The following ERC1 variants were observed in gnomAD, a reference collection of about 807,000 sequenced individuals.
ERC1 encodes the protein RAB6 interacting protein 2.
Under a neutral mutation model 132.0 loss-of-function variants are expected in ERC1, and 56 were observed. That is an observed-to-expected ratio of 0.42 (90% confidence interval 0.34 to 0.53). ERC1 has a LOEUF of 0.53. Ranked by LOEUF, ERC1 falls within the 20% of genes least tolerant of loss-of-function variation. ERC1 has a pLI of 0.03. For missense variants in ERC1, 1,202 were observed against 1,349.9 expected, an observed-to-expected ratio of 0.89 and a Z score of 1.72; for synonymous variants, 478 against 476.1, an observed-to-expected ratio of 1.00 and a Z score of -0.05.
At chr12:1,060,282 C>T (rs898124314) in intron 2 of ERC1, among the ~76,000 whole-genome samples, 3 of 151,630 alleles carry the variant, frequency 2.0e-5, no homozygotes, top group Non-Finnish European at 4.4e-5. Context: ...CCCATTAACT[C>T]GTCATTTAGC....
chr12:1,436,849 A>G (rs1468593522), intron 17 of ERC1, among the ~76,000 whole-genome samples: 2 of 152,054 alleles, frequency 1.3e-5, no homozygotes, highest in Non-Finnish European at 2.9e-5. Context: ...CTCAAAAAGT[A>G]TGACTGTCTC....
At chr12:1,114,483 T>TTA (rs75148674) in intron 6 of ERC1, among the ~76,000 whole-genome samples, 40,471 of 152,080 alleles carry the variant, frequency 0.27, 5,714 homozygotes, top group African/African-American at 0.36. Context: ...TGAATAATCT[T>TTA]AGTCATAGTT....
chr12:1,233,410 G>A (rs970068237), intron 12 of ERC1, among the ~76,000 whole-genome samples: 1 of 144,304 alleles, frequency 6.9e-6, no homozygotes, highest in African/African-American at 2.6e-5. Context: ...GGTGGAGGTT[G>A]CAGTCAGCCA....
intron 1 of ERC1, among the ~76,000 whole-genome samples, chr12:1,005,435 C>G (rs1238935167): frequency 2.0e-5 from 3 of 152,208 alleles, no homozygotes; most frequent in Non-Finnish European, 4.4e-5. Context: ...GACACCATAC[C>G]TGGCCCCTTT....
At position 1,162,066 on chromosome 12, in the gene ERC1, C is replaced by A. The variant is rs571546709; in HGVS notation, c.1738-18474C>A. On this transcript the variant is annotated intron_variant, in intron 8 of 18. Coordinates refer to ENST00000360905, the MANE Select transcript of ERC1 (RefSeq NM_178040.4). ...CTGTCTCTGGTTCTGTCTGGGCCAC[C>A]ACTGTCCACCCATAGTCTTCCTTGC... 1.3e-3 allele frequency among the ~76,000 whole-genome samples: 196 copies of A among 152,280 alleles called. 2 individuals are homozygous for A. Among genetic ancestry groups the A allele is most frequent in the Non-Finnish European group, 2.0e-3 (138 of 68,018 alleles).
chr12:1,481,207 G>GA, intron 18 of ERC1, among the ~76,000 whole-genome samples: 1 of 152,220 alleles, frequency 6.6e-6, no homozygotes, highest in East Asian at 1.9e-4. Flanking sequence ...CGTGGAAAGG[G>GA]AAACCATGGA....
At chr12:1,260,219 T>C (rs1488695405) in intron 13 of ERC1, among the ~76,000 whole-genome samples, 1 of 152,184 alleles carries the variant, frequency 6.6e-6, no homozygotes, top group Non-Finnish European at 1.5e-5. Flanking sequence ...TTGGTAATCA[T>C]TTGTTTTCCC....
chr12:1,136,704 G>A (rs1949279544), intron 7 of ERC1, among the ~76,000 whole-genome samples: 1 of 152,080 alleles, frequency 6.6e-6, no homozygotes. Flanking sequence ...CTTGTCTCTT[G>A]TCCTTCTTCT....
intron 15 of ERC1, among the ~76,000 whole-genome samples, chr12:1,352,907 G>A (rs1361191434): frequency 6.6e-6 from 1 of 151,964 alleles, no homozygotes. Flanking sequence ...GTTTGAGATG[G>A]CTTTTTGCTT....
chr12:1,157,566 T>C (rs561908585), intron 8 of ERC1, among the ~76,000 whole-genome samples: 1 of 152,296 alleles, frequency 6.6e-6, no homozygotes, highest in South Asian at 2.1e-4. Flanking sequence ...ATTATCAGAT[T>C]AGTAGATTGT....
intron 18 of ERC1, among the ~76,000 whole-genome samples, chr12:1,448,858 C>T (rs78952740): frequency 1.3e-5 from 2 of 152,286 alleles, no homozygotes; most frequent in Admixed American, 6.5e-5. Context: ...GTAGATCCAC[C>T]GCTGGTTTGC....
intron 2 of ERC1, among the ~76,000 whole-genome samples, chr12:1,051,506 A>G (rs115502606): frequency 6.6e-6 from 1 of 150,766 alleles, no homozygotes; most frequent in African/African-American, 2.5e-5. Context: ...CAAGGGCTAC[A>G]TAGCAAGGCC....
intron 15 of ERC1, among the ~76,000 whole-genome samples, chr12:1,355,374 C>G (rs1210125660): frequency 1.3e-5 from 2 of 152,012 alleles, no homozygotes; most frequent in African/African-American, 4.8e-5. Context: ...GCTCATGGGC[C>G]ATGGGCTGGC....
chr12:1,457,625 A>T (rs2093566068), intron 18 of ERC1, among the ~76,000 whole-genome samples: 1 of 152,164 alleles, frequency 6.6e-6, no homozygotes, highest in Admixed American at 6.5e-5. Context: ...CCATTTTTTT[A>T]TACATTAAGC....
At chr12:1,335,519 G>A (rs2083237491) in intron 15 of ERC1, among the ~76,000 whole-genome samples, 1 of 152,018 alleles carries the variant, frequency 6.6e-6, no homozygotes, top group African/African-American at 2.4e-5. Context: ...CTGTTTATGT[G>A]CTGAATCACA....
At chr12:1,387,003 T>C (rs2089448686) in intron 16 of ERC1, 1 of 152,062 alleles carries the variant, frequency 6.6e-6, no homozygotes, top group Non-Finnish European at 1.5e-5. Context: ...CCTAATGGAA[T>C]TTTCTCTGCT....
At chr12:1,056,084 T>TAA (rs60332254) in intron 2 of ERC1, among the ~76,000 whole-genome samples, 9,366 of 145,360 alleles carry the variant, frequency 0.064, 461 homozygotes, top group African/African-American at 0.14. Flanking sequence ...TTTTTTTTTT[T>TAA]AAAAAAAAGG....
chr12:1,010,370 A>G (rs939475917), intron 1 of ERC1, among the ~76,000 whole-genome samples: 5 of 151,020 alleles, frequency 3.3e-5, no homozygotes, highest in Admixed American at 6.6e-5. Context: ...AATCCCAGCT[A>G]TTTGGGAAGC....
intron 18 of ERC1, among the ~76,000 whole-genome samples, chr12:1,484,583 CTTT>C (rs542712129): frequency 3.6e-5 from 5 of 138,116 alleles, no homozygotes; most frequent in Non-Finnish European, 3.1e-5. Flanking sequence ...TTTTCTTTTC[CTTT>C]TTTTTTTTTT....
Sources: gnomAD v4.1 joint callset for allele counts (sites outside exome capture counted in the v4.1 genomes callset) on GRCh38, gnomAD v4.1.1 for gene constraint, MANE v1.5 for transcripts, NCBI Gene and HGNC (gene_info 2026-07-23, HGNC 2026-07-21) for gene names.